Variants in TOPAZ1 observed in about 807,000 individuals in gnomAD.
The protein encoded by TOPAZ1 is protein TOPAZ1.
A neutral mutation model predicts 172.2 loss-of-function variants in TOPAZ1; 66 were observed. The observed-to-expected ratio is 0.38, with a 90% CI of 0.31 to 0.47. The LOEUF is 0.47. Among genes scored for constraint, TOPAZ1 ranks in the 20% least tolerant of loss-of-function variants. TOPAZ1 has a pLI of 0.99. For synonymous variants in TOPAZ1, 681 were observed against 683.9 expected (o/e 1.00, Z 0.07); for missense variants, 1,822 against 1,972.4 (o/e 0.92, Z 1.44).
At chr3:44,330,523 CT>C (rs1326177871) in intron 19 of TOPAZ1, among the ~76,000 whole-genome samples, 26 of 152,176 alleles carry the variant, frequency 1.7e-4, no homozygotes, top group Non-Finnish European at 1.5e-5. Context: ...TCTGCACCAC[CT>C]ACCAGATTCC....
downstream of TOPAZ1, among the ~76,000 whole-genome samples, chr3:44,335,938 A>G (rs1379989426): frequency 6.6e-6 from 1 of 152,186 alleles, no homozygotes; most frequent in Non-Finnish European, 1.5e-5. Context: ...TTTAGTTACC[A>G]CAATTGTCAC....
Position 44,244,765 on chromosome 3 carries a change from A to G in TOPAZ1, c.2259A>G (p.Pro753=). Reference sequence around the variant, plus strand: ...TGAGCATACGAAATAGTGTAACTCCAGTGCAAGCTAGTTCTGACTCATTCT... The same window carrying G: ...TGAGCATACGAAATAGTGTAACTCCGGTGCAAGCTAGTTCTGACTCATTCT... ...QTLSIRNSVT[P]VQASSDSFYN... Residue 753 remains proline (P), a synonymous_variant, in exon 2 of 20, where the codon CCA becomes CCG. Coordinates refer to ENST00000309765, the MANE Select transcript of TOPAZ1 (RefSeq NM_001145030.2). 6.4e-7 allele frequency: 1 copy of G among 1,551,628 alleles called. No homozygotes were observed. Among genetic ancestry groups the G allele is most frequent in the Non-Finnish European group, 8.7e-7 (1 of 1,146,982 alleles).
chr3:44,331,432 C>T (rs1221773419), intron 19 of TOPAZ1, among the ~76,000 whole-genome samples: 1 of 152,030 alleles, frequency 6.6e-6, no homozygotes, highest in Non-Finnish European at 1.5e-5. Flanking sequence ...CTCAAGGCCT[C>T]CTCCCACCTC....
chr3:44,289,182 T>A (rs1345789299), intron 11 of TOPAZ1, among the ~76,000 whole-genome samples: 1 of 152,168 alleles, frequency 6.6e-6, no homozygotes, highest in African/African-American at 2.4e-5. Flanking sequence ...GCAGGTTTGT[T>A]TATAGTTGGC....
intron 16 of TOPAZ1, among the ~76,000 whole-genome samples, chr3:44,319,952 T>A (rs1700491161): frequency 6.6e-6 from 1 of 152,216 alleles, no homozygotes; most frequent in African/African-American, 2.4e-5. Flanking sequence ...AAATATGATT[T>A]GAATGTTACA....
At position 44,307,703 on chromosome 3, in the gene TOPAZ1, T is replaced by G. The variant is rs184019852; in HGVS notation, c.4140+1277T>G. On this transcript the variant is annotated intron_variant, in intron 15 of 19. Transcript: ENST00000309765. The stretch of plus-strand genomic sequence containing the variant: ...AGAGGTTATTTCACAATTGAATATA[T>G]ACGTTCAATAACATTTAAGTACATG... Among the ~76,000 whole-genome samples the G allele has an allele frequency of 9.2e-4, 140 of 152,330 alleles. 2 individuals are homozygous for G. Among genetic ancestry groups the G allele is most frequent in the African/African-American group, 3.3e-3 (138 of 41,576 alleles).
chr3:44,308,595 C>T (rs1224972655), intron 15 of TOPAZ1, among the ~76,000 whole-genome samples: 2 of 151,790 alleles, frequency 1.3e-5, no homozygotes, highest in African/African-American at 4.9e-5. Context: ...CATACATATG[C>T]ATGTGTCTTT....
chr3:44,263,174 T>C (rs1469462120), intron 5 of TOPAZ1, among the ~76,000 whole-genome samples: 1 of 152,162 alleles, frequency 6.6e-6, no homozygotes, highest in African/African-American at 2.4e-5. Context: ...TTGAGAACTG[T>C]GTTAAGGGAA....
At chr3:44,309,397 T>C (rs552102687) in intron 15 of TOPAZ1, among the ~76,000 whole-genome samples, 114 of 152,328 alleles carry the variant, frequency 7.5e-4, no homozygotes, top group African/African-American at 2.5e-3. Flanking sequence ...ATGTTTAAAT[T>C]TGATAACAAA....
chr3:44,310,850 A>C (rs1423436818), intron 16 of TOPAZ1, among the ~76,000 whole-genome samples: 1 of 152,240 alleles, frequency 6.6e-6, no homozygotes, highest in Non-Finnish European at 1.5e-5. Flanking sequence ...TTGATAAGGC[A>C]ATTCTTCTAA....
intron 12 of TOPAZ1, among the ~76,000 whole-genome samples, chr3:44,303,331 A>T (rs367880773): frequency 2.1e-3 from 312 of 151,956 alleles, no homozygotes; most frequent in African/African-American, 6.3e-3. Flanking sequence ...GCCTTTTTTT[A>T]AATTTTCTTC....
intron 3 of TOPAZ1, among the ~76,000 whole-genome samples, chr3:44,255,381 G>A (rs927955955): frequency 2.6e-5 from 4 of 151,970 alleles, no homozygotes; most frequent in African/African-American, 7.3e-5. Context: ...GGCTAGGGGC[G>A]GTGGCTCATG....
chr3:44,268,391 T>C (rs1377302240), intron 6 of TOPAZ1, among the ~76,000 whole-genome samples: 4 of 112,414 alleles, frequency 3.6e-5, no homozygotes, highest in African/African-American at 1.2e-4. Flanking sequence ...TTTTTTTTTT[T>C]TAGACAGAGT....
chr3:44,270,350 G>T (rs188999130), intron 7 of TOPAZ1, among the ~76,000 whole-genome samples: 2 of 152,268 alleles, frequency 1.3e-5, no homozygotes, highest in African/African-American at 2.4e-5. Flanking sequence ...GGGAGTCCAT[G>T]GGATATTTCT....
chr3:44,292,907 A>G (rs910629122), intron 12 of TOPAZ1, among the ~76,000 whole-genome samples: 5 of 152,174 alleles, frequency 3.3e-5, no homozygotes, highest in Non-Finnish European at 5.9e-5. Context: ...TTCTTAGTCT[A>G]TTTTACAGTA....
intron 12 of TOPAZ1, among the ~76,000 whole-genome samples, chr3:44,301,205 C>T (rs755627476): frequency 3.9e-5 from 6 of 152,096 alleles, no homozygotes; most frequent in African/African-American, 7.2e-5. Context: ...GTTACATACA[C>T]ACACACAAAT....
chr3:44,267,604 C>T (rs2125685331), intron 6 of TOPAZ1, among the ~76,000 whole-genome samples: 2 of 152,128 alleles, frequency 1.3e-5, no homozygotes, highest in South Asian at 4.2e-4. Flanking sequence ...CTACTTAGTA[C>T]TTTTGATGGA....
intron 11 of TOPAZ1, among the ~76,000 whole-genome samples, chr3:44,288,345 C>T (rs922962846): frequency 6.6e-6 from 1 of 151,982 alleles, no homozygotes; most frequent in African/African-American, 2.4e-5. Flanking sequence ...TCAGATTTCA[C>T]ATTACAAAAC....
At chr3:44,286,409 C>G (rs1700079864) in intron 9 of TOPAZ1, among the ~76,000 whole-genome samples, 1 of 152,240 alleles carries the variant, frequency 6.6e-6, no homozygotes, top group Non-Finnish European at 1.5e-5. Context: ...TATATAAATA[C>G]TGCCAAAAGT....
Sources: allele counts gnomAD v4.1 joint callset (sites outside exome capture counted in the v4.1 genomes callset), GRCh38; gene constraint gnomAD v4.1.1; transcripts MANE v1.5; gene names NCBI Gene and HGNC (gene_info 2026-07-23, HGNC 2026-07-21).